Variants in UTRN observed in about 807,000 individuals in gnomAD.
The protein encoded by UTRN is utrophin.
Under a neutral mutation model 463.9 loss-of-function variants are expected in UTRN, and 283 were observed. The observed-to-expected ratio is 0.61, with a 90% CI of 0.55 to 0.67. The LOEUF (loss-of-function observed/expected upper bound fraction) is 0.67, where lower values mean the gene tolerates loss of function less well. Among genes scored for constraint, UTRN ranks in the 30% least tolerant of loss-of-function variants. UTRN has a pLI of 0.00. For missense variants in UTRN, 3,922 were observed against 4,084.3 expected, an observed-to-expected ratio of 0.96 and a Z score of 1.08; for synonymous variants, 1,442 against 1,431.5, an observed-to-expected ratio of 1.01 and a Z score of -0.17.
At chr6:144,500,325 G>A (rs190757088) in intron 34 of UTRN, among the ~76,000 whole-genome samples, 3 of 152,244 alleles carry the variant, frequency 2.0e-5, no homozygotes, top group Admixed American at 6.5e-5. Flanking sequence ...GTGTGAGATG[G>A]TATCTCATTG....
chr6:144,400,721 T>A lies in UTRN; in HGVS notation c.80-2402T>A, dbSNP rs1281922951. Among the ~76,000 whole-genome samples the A allele has an allele frequency of 1.3e-5, 2 of 152,210 alleles. 1 individual carries two copies. The highest frequency in any genetic ancestry group is 4.8e-5 in the African/African-American group (2 of 41,462). ...TATCAAGAGAATGAATGCGGAAGTG[T>A]GTTTATAAACTTTGAAGTATTTTTG... On this transcript the variant is annotated intron_variant, in intron 2 of 74. Coordinates refer to ENST00000367545, the MANE Select transcript of UTRN (RefSeq NM_007124.3).
intron 51 of UTRN, among the ~76,000 whole-genome samples, chr6:144,614,815 G>C (rs1805905040): frequency 6.6e-6 from 1 of 152,030 alleles, no homozygotes; most frequent in Non-Finnish European, 1.5e-5. Context: ...TAGAAATATA[G>C]GCTTTTTCTA....
intron 39 of UTRN, among the ~76,000 whole-genome samples, chr6:144,519,632 GA>G (rs910777656): frequency 9.9e-5 from 15 of 152,110 alleles, no homozygotes; most frequent in Admixed American, 7.2e-4. Context: ...TCTCTTGGGG[GA>G]AAAAAATCTA....
chr6:144,716,906 G>A (rs1052047937), intron 53 of UTRN, among the ~76,000 whole-genome samples: 1 of 152,068 alleles, frequency 6.6e-6, no homozygotes, highest in African/African-American at 2.4e-5. Flanking sequence ...TCCAGGTGTT[G>A]GAGATTTAAG....
At chr6:144,590,843 T>TAC (rs10531216) in intron 51 of UTRN, among the ~76,000 whole-genome samples, 18,812 of 145,848 alleles carry the variant, frequency 0.13, 1,248 homozygotes, top group South Asian at 0.28. Context: ...TCTCTCAATC[T>TAC]ACACACACAC....
At chr6:144,617,696 A>T (rs1477541960) in intron 51 of UTRN, among the ~76,000 whole-genome samples, 2 of 152,142 alleles carry the variant, frequency 1.3e-5, no homozygotes, top group African/African-American at 2.4e-5. Context: ...ACTTCTCTTT[A>T]GGAAGGTGTT....
At chr6:144,822,351 G>A (rs1779675672) in intron 66 of UTRN, among the ~76,000 whole-genome samples, 1 of 152,038 alleles carries the variant, frequency 6.6e-6, no homozygotes, top group Non-Finnish European at 1.5e-5. Context: ...AATGTCGTGT[G>A]TGTGTAAACA....
intron 51 of UTRN, among the ~76,000 whole-genome samples, chr6:144,662,516 C>T (rs1206374244): frequency 6.6e-6 from 1 of 152,182 alleles, no homozygotes; most frequent in Non-Finnish European, 1.5e-5. Flanking sequence ...TAACCTGTTT[C>T]TAGAGAGAAT....
intron 52 of UTRN, among the ~76,000 whole-genome samples, chr6:144,691,459 A>G (rs1269382185): frequency 6.6e-6 from 1 of 151,806 alleles, no homozygotes; most frequent in Admixed American, 6.6e-5. Flanking sequence ...AGTATTTTCA[A>G]CTGTCAAATT....
rs1447533030 is a variant in UTRN, at chr6:144,700,072, A to G, written c.7653-15A>G. The stretch of plus-strand genomic sequence containing the variant: ...TCTAAATGTGGTTATTATTATTATT[A>G]TTATCTCTCAACAGGGCCCATTTGG... On this transcript the variant is annotated splice_polypyrimidine_tract_variant and intron_variant, in intron 52 of 74. Transcript: ENST00000367545. The G allele has an allele frequency of 1.9e-6, 3 of 1,563,532 alleles. No homozygotes were observed. In the East Asian group the frequency reaches 6.7e-5, roughly 35 times the overall value.
At chr6:144,754,533 T>C (rs1240548312) in intron 56 of UTRN, among the ~76,000 whole-genome samples, 187 bp from the exon 57 acceptor site, 1 of 142,596 alleles carries the variant, frequency 7.0e-6, no homozygotes, top group East Asian at 2.3e-4. Context: ...GAAGGAGTCT[T>C]TTTTTTTTTT....
intron 52 of UTRN, among the ~76,000 whole-genome samples, chr6:144,693,820 G>A (rs532799923): frequency 3.9e-5 from 6 of 152,236 alleles, no homozygotes; most frequent in African/African-American, 1.4e-4. Context: ...TCTGGATATA[G>A]AATCTTGTCA....
intron 50 of UTRN, among the ~76,000 whole-genome samples, chr6:144,558,684 A>G (rs1377014991): frequency 6.6e-6 from 1 of 152,040 alleles, no homozygotes; most frequent in Non-Finnish European, 1.5e-5. Flanking sequence ...CAGGTTAGAG[A>G]ATTTCTTTAT....
chr6:144,789,138 A>G, intron 61 of UTRN, 56 bp from the exon 62 acceptor site: 1 of 1,345,916 alleles, frequency 7.4e-7, no homozygotes, highest in Non-Finnish European at 1.0e-6. Context: ...GAAACAATGA[A>G]CATGCTGTAT....
chr6:144,623,338 A>G (rs1281009744), intron 51 of UTRN, among the ~76,000 whole-genome samples: 1 of 152,266 alleles, frequency 6.6e-6, no homozygotes, highest in African/African-American at 2.4e-5. Context: ...CTTAGATATA[A>G]AATACACCTT....
At position 144,453,804 on chromosome 6, in the gene UTRN, A is replaced by G. The variant is rs189824417; in HGVS notation, c.2219A>G (p.Glu740Gly). ...CAGGCATTAGAAAAAGAACAGAGAG[A>G]AAGAATCCCCAGAGCAGATGAATTA... The part of the protein sequence containing the change: ...KLKALEKEQR[E>G]RIPRADELNQ... Residue 740 changes from glutamate (E) to glycine (G), a missense_variant, in exon 19 of 75, where the codon GAA becomes GGA. Glu to Gly is a moderately conservative substitution (Grantham distance 98). This residue lies in a region of UTRN where 2,349 missense variants were observed against 2,303.8 expected (regional missense o/e 1.02). Coordinates refer to ENST00000367545, the MANE Select transcript of UTRN (RefSeq NM_007124.3). 3 of 1,613,444 alleles carry G rather than the reference A, an allele frequency of 1.9e-6. No homozygotes were observed. The highest frequency in any genetic ancestry group is 1.7e-5 in the Admixed American group (1 of 59,972).
rs1202671560 is a variant in UTRN at position 144,447,237 on chromosome 6, A to G, written c.1641A>G (p.Glu547=). The change falls in exon 15 of 75, where the codon GAA becomes GAG. Residue 547 remains glutamate, a synonymous_variant. Coordinates refer to ENST00000367545, the MANE Select transcript of UTRN (RefSeq NM_007124.3). The part of the protein sequence containing the change: ...EQCLLKAWLT[E]KEEALNKVQT... ...GCTTGTTGAAAGCTTGGTTAACCGA[A>G]AAAGAAGAGGCTTTAAATAAAGTCC... The G allele has an allele frequency of 6.2e-7, 1 of 1,613,968 alleles. No individual in the cohort carries two copies. The highest frequency in any genetic ancestry group is 2.2e-5 in the East Asian group (1 of 44,866).
chr6:144,441,392 A>G (rs1381225532), intron 13 of UTRN, among the ~76,000 whole-genome samples: 2 of 152,232 alleles, frequency 1.3e-5, no homozygotes, highest in African/African-American at 4.8e-5. Context: ...CCATTCAAGT[A>G]TGGAATACGG....
chr6:144,776,568 CA>C (rs1775344785), intron 60 of UTRN, among the ~76,000 whole-genome samples: 1 of 152,140 alleles, frequency 6.6e-6, no homozygotes, highest in Non-Finnish European at 1.5e-5. Context: ...CACATGGACC[CA>C]ATGCCCTGCT....
Sources: allele counts gnomAD v4.1 joint callset (sites outside exome capture counted in the v4.1 genomes callset), GRCh38; gene constraint gnomAD v4.1.1; regional missense constraint gnomAD v4.1.1; transcripts MANE v1.5; gene names NCBI Gene and HGNC (gene_info 2026-07-23, HGNC 2026-07-21).